The following CEPT1 variants were observed in gnomAD, a reference collection of about 807,000 sequenced individuals.
The protein encoded by CEPT1 is choline/ethanolamine phosphotransferase 1.
Under a neutral mutation model 42.6 loss-of-function variants are expected in CEPT1, and 7 were observed. The observed-to-expected ratio is 0.16, with a 90% CI of 0.09 to 0.31. The LOEUF (loss-of-function observed/expected upper bound fraction) is 0.31, where lower values mean the gene tolerates loss of function less well. Ranked by LOEUF, CEPT1 falls within the 10% of genes least tolerant of loss-of-function variation. CEPT1 has a pLI of 1.00. For synonymous variants in CEPT1, 171 were observed against 171.9 expected, an observed-to-expected ratio of 0.99 and a Z score of 0.04; for missense variants, 306 against 502.1, an observed-to-expected ratio of 0.61 and a Z score of 3.73.
At chr1:111,148,893 A>G (rs1655116911) in intron 2 of CEPT1, among the ~76,000 whole-genome samples, 1 of 152,236 alleles carries the variant, frequency 6.6e-6, no homozygotes, top group African/African-American at 2.4e-5. Context: ...GTAATTCAGG[A>G]CAGTAGAAGG....
chr1:111,181,959 G>A (rs1396532182), intron 5 of CEPT1: 2 of 292,506 alleles, frequency 6.8e-6, no homozygotes, highest in Non-Finnish European at 6.3e-6. Context: ...TGGTTTTTTT[G>A]TTTTTTTTAA....
intron 4 of CEPT1, among the ~76,000 whole-genome samples, chr1:111,162,387 A>G (rs961427155): frequency 2.6e-5 from 4 of 152,220 alleles, no homozygotes; most frequent in African/African-American, 7.2e-5. Flanking sequence ...GGTAGAAACT[A>G]TAGGACACAA....
chr1:111,163,494 G>T (rs1048198584), intron 4 of CEPT1, among the ~76,000 whole-genome samples: 3 of 151,952 alleles, frequency 2.0e-5, no homozygotes, highest in African/African-American at 7.3e-5. Context: ...GCCAAGCACG[G>T]TGGCGCATGC....
At chr1:111,158,338 A>G (rs891998229) in intron 2 of CEPT1, among the ~76,000 whole-genome samples, 2 of 151,856 alleles carry the variant, frequency 1.3e-5, no homozygotes, top group Non-Finnish European at 2.9e-5. Context: ...TGGGTGACAG[A>G]GCAAGACTCC....
chr1:111,171,336 G>A (rs1467148898), intron 4 of CEPT1, among the ~76,000 whole-genome samples: 2 of 152,156 alleles, frequency 1.3e-5, no homozygotes, highest in African/African-American at 4.8e-5. Context: ...TAAGCTTTTT[G>A]TAGTGACGAA....
At chr1:111,142,025 T>C (rs1055889618) in intron 1 of CEPT1, among the ~76,000 whole-genome samples, 1 of 152,114 alleles carries the variant, frequency 6.6e-6, no homozygotes, top group Non-Finnish European at 1.5e-5. Flanking sequence ...TTGTGTAAGC[T>C]TACCTTATGC....
intron 5 of CEPT1, chr1:111,181,370 A>G (rs1377412812): frequency 6.6e-6 from 1 of 152,234 alleles, no homozygotes; most frequent in Non-Finnish European, 1.5e-5. Context: ...AGACTCTTAA[A>G]TGATTTTTAA....
rs57780074 is a variant in CEPT1 at position 111,155,445 on chromosome 1, T to TTG, written c.340-3919_340-3918dup. 9.2e-3 allele frequency among the ~76,000 whole-genome samples: 1,386 copies of TTG among 150,394 alleles called. 12 individuals carry two copies. The highest frequency in any genetic ancestry group is 0.017 in the Admixed American group (262 of 15,088). On this transcript the variant is annotated intron_variant, in intron 2 of 8. Transcript: ENST00000357172. ...AAAAACCAACTTTTCATTTTATCAT[T>TTG]TGTGTGTGTGTGTGTGTATACACAC...
intron 1 of CEPT1, among the ~76,000 whole-genome samples, chr1:111,142,362 C>G (rs1654695173): frequency 6.6e-6 from 1 of 152,062 alleles, no homozygotes; most frequent in Non-Finnish European, 1.5e-5. Context: ...TTTCTGAGAC[C>G]CCACCCTCCC....
intron 4 of CEPT1, among the ~76,000 whole-genome samples, chr1:111,169,332 T>C (rs1165920536): frequency 6.6e-6 from 1 of 152,218 alleles, no homozygotes; most frequent in Non-Finnish European, 1.5e-5. Context: ...TAGCCCCTTT[T>C]TTATTGTTGA....
intron 4 of CEPT1, among the ~76,000 whole-genome samples, chr1:111,163,523 C>T (rs1352969795): frequency 1.3e-5 from 2 of 151,854 alleles, no homozygotes; most frequent in African/African-American, 2.4e-5. Context: ...GGATCACTTG[C>T]GCCCTGGAAA....
intron 2 of CEPT1, among the ~76,000 whole-genome samples, chr1:111,149,280 T>TTTTTTTTTTTTTTTTA (rs1246054998): frequency 6.6e-6 from 1 of 151,412 alleles, no homozygotes; most frequent in African/African-American, 2.4e-5. Flanking sequence ...TTTTTTTTTT[T>TTTTTTTTTTTTTTTTA]GAGACAGGGT....
At chr1:111,149,245 A>G (rs1264037938) in intron 2 of CEPT1, among the ~76,000 whole-genome samples, 1 of 141,150 alleles carries the variant, frequency 7.1e-6, no homozygotes, top group Non-Finnish European at 1.5e-5. Flanking sequence ...GATTTTATAG[A>G]TGTAAAATCT....
At chr1:111,160,124 C>T in intron 3 of CEPT1, 1 of 152,092 alleles carries the variant, frequency 6.6e-6, no homozygotes, top group East Asian at 1.9e-4. Flanking sequence ...ACCTCATATA[C>T]AATTTTTAAA....
chr1:111,164,439 T>C (rs893901372), intron 4 of CEPT1, among the ~76,000 whole-genome samples: 2 of 152,128 alleles, frequency 1.3e-5, no homozygotes, highest in Non-Finnish European at 2.9e-5. Flanking sequence ...GAGGCTAGAA[T>C]TTCATGGGAG....
intron 3 of CEPT1, chr1:111,160,953 TA>T (rs71096395): frequency 0.16 from 71,380 of 447,984 alleles, 12 homozygotes; most frequent in Middle Eastern, 0.22. Flanking sequence ...AGTGATTTGG[TA>T]AAAAAAAAAA....
intron 4 of CEPT1, among the ~76,000 whole-genome samples, chr1:111,172,233 C>A (rs1318374059): frequency 1.3e-5 from 2 of 152,032 alleles, no homozygotes; most frequent in Non-Finnish European, 2.9e-5. Context: ...TGACCACATA[C>A]CCCATGTGTC....
intron 5 of CEPT1, chr1:111,179,992 T>C (rs962664637): frequency 2.0e-5 from 3 of 152,210 alleles, no homozygotes; most frequent in African/African-American, 7.2e-5. Flanking sequence ...GCTTCCTTAC[T>C]TTGTGGTCCA....
chr1:111,161,347 T>C, intron 4 of CEPT1, 51 bp downstream of exon 4: 1 of 1,505,558 alleles, frequency 6.6e-7, no homozygotes, highest in Non-Finnish European at 9.0e-7. Flanking sequence ...ATATGGAGAA[T>C]GTTGCCTTAT....
Sources: allele counts gnomAD v4.1 joint callset (sites outside exome capture counted in the v4.1 genomes callset), GRCh38; gene constraint gnomAD v4.1.1; transcripts MANE v1.5; gene names NCBI Gene and HGNC (gene_info 2026-07-23, HGNC 2026-07-21).